The following CSF2RA variants were observed in gnomAD, a reference collection of about 807,000 sequenced individuals.
The protein encoded by CSF2RA is colony stimulating factor 2 receptor subunit alpha.
Under a neutral mutation model 51.6 loss-of-function variants are expected in CSF2RA, and 42 were observed. That is an observed-to-expected ratio of 0.81 (90% CI 0.64 to 1.05). The LOEUF (loss-of-function observed/expected upper bound fraction) is 1.05, where lower values mean the gene tolerates loss of function less well. Ranked by LOEUF, CSF2RA falls within the 50% of genes least tolerant of loss-of-function variation. The pLI is 0.00. For missense variants in CSF2RA, 530 were observed against 501.1 expected, an observed-to-expected ratio of 1.06 and a Z score of -0.55; for synonymous variants, 222 against 193.0, an observed-to-expected ratio of 1.15 and a Z score of -1.24.
chrX:1,277,350 C>A (rs2089309755), intron 2 of CSF2RA, among the ~76,000 whole-genome samples: 1 of 151,902 alleles, frequency 6.6e-6, no homozygotes. Context: ...GTAATCCCAG[C>A]ACCTTGGGAG....
intron 8 of CSF2RA, 26 bp from the exon 9 acceptor site, chrX:1,295,392 AGTGAGCCTT>A: frequency 6.2e-7 from 1 of 1,613,380 alleles, no homozygotes; most frequent in Non-Finnish European, 8.5e-7. Context: ...AAATGGAAAC[AGTGAGCCTT>A]GTGTTGTGTT....
At chrX:1,305,335 A>T in intron 11 of CSF2RA, 111 bp from the exon 12 acceptor site, 1 of 1,216,682 alleles carries the variant, frequency 8.2e-7, no homozygotes. Flanking sequence ...GAAGTTTTGC[A>T]TAGTTGAGCG....
chrX:1,299,690 G>A (rs1316167059), intron 9 of CSF2RA, among the ~76,000 whole-genome samples: 1 of 152,180 alleles, frequency 6.6e-6, no homozygotes, highest in Non-Finnish European at 1.5e-5. Context: ...GGCTGAGGTG[G>A]GCGGATCACT....
chrX:1,291,175 G>GA (rs766936165), intron 7 of CSF2RA, among the ~76,000 whole-genome samples: 6 of 152,196 alleles, frequency 3.9e-5, no homozygotes, highest in Non-Finnish European at 7.4e-5. Context: ...ACCTGCCTCA[G>GA]CCTCCCAAAG....
chrX:1,280,471 CAAAAAAAA>C (rs750353851), intron 2 of CSF2RA, among the ~76,000 whole-genome samples: 1 of 129,438 alleles, frequency 7.7e-6, no homozygotes, highest in African/African-American at 2.7e-5. Context: ...AACTCCGTCT[CAAAAAAAA>C]AAAAAAAAAA....
chrX:1,294,387 C>G lies in CSF2RA; in HGVS notation c.706C>G (p.Arg236Gly), dbSNP rs200071635. 1 of 1,613,806 alleles carries G rather than the reference C, an allele frequency of 6.2e-7. No homozygotes were observed. Among genetic ancestry groups the G allele is most frequent in the East Asian group, 2.2e-5 (1 of 44,890 alleles). The change falls in exon 8 of 13, where the codon CGG becomes GGG. Residue 236 changes from arginine to glycine, a missense_variant. Physicochemically the swap from Arg to Gly is moderately radical, Grantham distance 125 (BLOSUM62 -2). Coordinates refer to ENST00000381529, the MANE Select transcript of CSF2RA (RefSeq NM_172245.4). Reference protein sequence around the residue: ...VRCNTTHCLVRWKQPRTYQKL... With the variant: ...VRCNTTHCLVGWKQPRTYQKL... ...TTGCAACACGACGCACTGCCTCGTA[C>G]GGTGGAAACAGCCCAGGACCTATCA...
At chrX:1,289,228 A>G in intron 6 of CSF2RA, 1 of 358,828 alleles carries the variant, frequency 2.8e-6, no homozygotes, top group South Asian at 2.5e-5. Flanking sequence ...CCAGGGTTCA[A>G]GTGATTCTCC....
the CSF2RA span, among the ~76,000 whole-genome samples, chrX:1,323,267 A>G: frequency 1.3e-5 from 2 of 151,506 alleles, no homozygotes; most frequent in Non-Finnish European, 2.9e-5. Context: ...TAATTTCAGC[A>G]CTTTGGGAGG....
At chrX:1,294,817 C>T (rs1167093998) in intron 8 of CSF2RA, among the ~76,000 whole-genome samples, 2 of 151,988 alleles carry the variant, frequency 1.3e-5, no homozygotes, top group Non-Finnish European at 2.9e-5. Flanking sequence ...CTACCTGGAC[C>T]CAGTGTAGAT....
chrX:1,285,147 T>C (rs2090490643), intron 3 of CSF2RA, among the ~76,000 whole-genome samples: 1 of 152,026 alleles, frequency 6.6e-6, no homozygotes, highest in South Asian at 2.1e-4. Context: ...GTCAGCTTTT[T>C]GCCTCAGCCT....
chrX:1,315,722 G>C, the CSF2RA span, among the ~76,000 whole-genome samples: 1 of 151,928 alleles, frequency 6.6e-6, no homozygotes, highest in Non-Finnish European at 1.5e-5. Flanking sequence ...ATGAATTTTA[G>C]ATAGATGATA....
At chrX:1,302,890 G>C (rs1321074923) in intron 10 of CSF2RA, 8 of 242,680 alleles carry the variant, frequency 3.3e-5, no homozygotes, top group Non-Finnish European at 5.9e-5. Context: ...TATTTATTTT[G>C]AGACAGGGTC....
At chrX:1,280,300 C>T (rs1395568917) in intron 2 of CSF2RA, among the ~76,000 whole-genome samples, 9 of 151,844 alleles carry the variant, frequency 5.9e-5, no homozygotes, top group Non-Finnish European at 1.2e-4. Context: ...GGCAAAACAG[C>T]GTCTCTACTA....
At chrX:1,289,062 A>G in intron 6 of CSF2RA, 174 bp downstream of exon 6, 1 of 819,804 alleles carries the variant, frequency 1.2e-6, no homozygotes, top group Non-Finnish European at 1.9e-6. Context: ...CCTGGGTTCA[A>G]GCAATTTTCC....
chrX:1,295,052 C>A (rs868113668), intron 8 of CSF2RA, among the ~76,000 whole-genome samples: 4 of 41,996 alleles, frequency 9.5e-5, no homozygotes, highest in African/African-American at 2.0e-4. Context: ...CAAGAAGAGA[C>A]CCTGCCCCAT....
chrX:1,282,654 T>C, intron 2 of CSF2RA, 24 bp from the exon 3 acceptor site: 1 of 1,522,332 alleles, frequency 6.6e-7, no homozygotes. Context: ...ACCTTCTCAC[T>C]GTGTGATATT....
downstream of CSF2RA, among the ~76,000 whole-genome samples, chrX:1,314,959 C>T (rs1244688396): frequency 9.1e-5 from 10 of 109,830 alleles, 2 homozygotes; most frequent in Admixed American, 2.6e-4. Context: ...CTGTGCCTGC[C>T]CAACCCCACT....
intron 11 of CSF2RA, among the ~76,000 whole-genome samples, chrX:1,305,033 A>G (rs1247355111): frequency 3.5e-5 from 4 of 113,670 alleles, no homozygotes; most frequent in African/African-American, 1.0e-4. Flanking sequence ...TCACTCTGTC[A>G]CCCAGGCTGG....
rs2088940708 is a variant in CSF2RA at position 1,274,754 on chromosome X, G to A, written c.-90-1G>A. 2.2e-6 allele frequency: 1 copy of A among 453,316 alleles called. No homozygotes were observed. Among genetic ancestry groups the A allele is most frequent in the Non-Finnish European group, 4.4e-6 (1 of 226,698 alleles). 28.1% of individuals were successfully genotyped at this position (453,316 alleles called of 1,614,324 possible). ...TCCTGAGACTTATTTACCTTTCACA[G>A]TTTACAGCAGGAAAATCCGTGGAGA... On this transcript the variant is annotated splice_acceptor_variant, in intron 1 of 12. Transcript: ENST00000381529. LOFTEE classifies it low-confidence loss of function (5UTR_SPLICE).
Sources: gnomAD v4.1 joint callset for allele counts (sites outside exome capture counted in the v4.1 genomes callset) on GRCh38, gnomAD v4.1.1 for gene constraint, MANE v1.5 for transcripts, NCBI Gene and HGNC (gene_info 2026-07-23, HGNC 2026-07-21) for gene names.